The following PKN2 variants were observed in gnomAD, a reference collection of about 807,000 sequenced individuals.
The protein encoded by PKN2 is serine/threonine-protein kinase N2.
PKN2 carries 38 observed loss-of-function variants against 119.1 expected under a neutral mutation model. The observed-to-expected ratio is 0.32, with a 90% CI of 0.25 to 0.42. PKN2 has a LOEUF of 0.42. Ranked by LOEUF, PKN2 falls within the 10% of genes least tolerant of loss-of-function variation. The pLI is 1.00. For synonymous variants in PKN2, 390 were observed against 384.9 expected, an observed-to-expected ratio of 1.01 and a Z score of -0.15; for missense variants, 850 against 1,165.1, an observed-to-expected ratio of 0.73 and a Z score of 3.94.
intron 6 of PKN2, among the ~76,000 whole-genome samples, chr1:88,782,337 C>T (rs1305648335): frequency 1.3e-5 from 2 of 150,878 alleles, no homozygotes; most frequent in African/African-American, 4.9e-5. Context: ...TTCTTGGATA[C>T]TTCTTGAGTT....
At chr1:88,729,693 G>A (rs1464334847) in intron 1 of PKN2, among the ~76,000 whole-genome samples, 1 of 152,172 alleles carries the variant, frequency 6.6e-6, no homozygotes, top group Non-Finnish European at 1.5e-5. Context: ...TGTCACTTTA[G>A]TCAGAGTCCC....
intron 1 of PKN2, among the ~76,000 whole-genome samples, chr1:88,718,433 G>GAGGC (rs1360138481): frequency 6.6e-6 from 1 of 152,340 alleles, no homozygotes; most frequent in African/African-American, 2.4e-5. Flanking sequence ...GGGGTCTACA[G>GAGGC]AGGCAGGCAG....
intron 3 of PKN2, among the ~76,000 whole-genome samples, chr1:88,766,568 C>A (rs1669677503): frequency 6.6e-6 from 1 of 152,088 alleles, no homozygotes; most frequent in Admixed American, 6.5e-5. Flanking sequence ...TAGTTCATTA[C>A]TTTAGTGTGT....
chr1:88,693,415 T>C (rs1248502849), intron 1 of PKN2, among the ~76,000 whole-genome samples: 1 of 152,232 alleles, frequency 6.6e-6, no homozygotes. Flanking sequence ...TAAGTCAAAT[T>C]TGTCCATTGT....
rs377595315 is a variant in PKN2, at chr1:88,832,740, C to G, written c.2563-4C>G. 2 of 1,536,644 alleles carry G rather than the reference C, an allele frequency of 1.3e-6. No individual in the cohort carries two copies. Among genetic ancestry groups the G allele is most frequent in the East Asian group, 2.3e-5 (1 of 44,290 alleles). ...TTTAACTTACTCAAAGGTATTTCTTCTAGTCTCCCTTTCCTGGTGATGATG... is the reference window on the plus strand; with the variant it reads ...TTTAACTTACTCAAAGGTATTTCTTGTAGTCTCCCTTTCCTGGTGATGATG... On this transcript the variant is annotated splice_polypyrimidine_tract_variant and splice_region_variant and intron_variant, in intron 19 of 21. Transcript: ENST00000370521.
rs576495347 is a variant in PKN2 at position 88,813,428 on chromosome 1, GAC to G, written c.2103-125_2103-124del. On this transcript the variant is annotated intron_variant, in intron 15 of 21. Coordinates refer to ENST00000370521, the MANE Select transcript of PKN2 (RefSeq NM_006256.4). ...TTCATAGCACATATAGCAAAACTAA[GAC>G]ACATGTTAGGATTTTTAAGTTATAG... is the stretch of plus-strand genomic sequence containing the variant. The G allele has an allele frequency of 1.4e-3, 883 of 612,600 alleles. 1 individual carries two copies. The highest frequency in any genetic ancestry group is 2.4e-3 in the South Asian group (102 of 43,348). The allele number at this position is 612,600 out of a possible 1,614,324, so 37.9% of individuals were successfully genotyped here. A position where few individuals can be genotyped will look rare whatever the true frequency, so the allele number is the denominator to read the frequency against.
At chr1:88,740,224 A>G (rs1372686531) in intron 1 of PKN2, among the ~76,000 whole-genome samples, 2 of 152,104 alleles carry the variant, frequency 1.3e-5, no homozygotes, top group Non-Finnish European at 2.9e-5. Context: ...CCAAAGAACA[A>G]CTGTATAAAT....
intron 8 of PKN2, among the ~76,000 whole-genome samples, chr1:88,788,750 C>T (rs2100836519): frequency 6.6e-6 from 1 of 152,194 alleles, no homozygotes; most frequent in East Asian, 1.9e-4. Context: ...TGGCCTAATC[C>T]AGGATTCTTA....
chr1:88,745,868 C>T (rs1209087994), intron 2 of PKN2, among the ~76,000 whole-genome samples: 1 of 152,038 alleles, frequency 6.6e-6, no homozygotes, highest in Non-Finnish European at 1.5e-5. Flanking sequence ...ATCATAATGA[C>T]ATAAAAATAG....
rs189409132 is a variant in PKN2, at chr1:88,818,931, A to G, written c.2280-3010A>G. Among the ~76,000 whole-genome samples, 4 of 152,324 alleles carry G rather than the reference A, an allele frequency of 2.6e-5. No homozygotes were observed. In the East Asian group the frequency reaches 7.7e-4, roughly 29 times the overall value. ...CCTGACAAAAACAAGTAATGGGGAAAGAATTCCCTATTTAATAAATGGTGT... is the reference window on the plus strand; with the variant it reads ...CCTGACAAAAACAAGTAATGGGGAAGGAATTCCCTATTTAATAAATGGTGT... On this transcript the variant is annotated intron_variant, in intron 16 of 21. Coordinates refer to ENST00000370521, the MANE Select transcript of PKN2 (RefSeq NM_006256.4).
chr1:88,774,126 A>G (rs1669996996), intron 6 of PKN2, among the ~76,000 whole-genome samples: 1 of 152,192 alleles, frequency 6.6e-6, no homozygotes, highest in Non-Finnish European at 1.5e-5. Context: ...GAAAATAAAC[A>G]TAAAGGGGGA....
chr1:88,742,100 A>G (rs1570563322), intron 2 of PKN2, among the ~76,000 whole-genome samples: 1 of 152,132 alleles, frequency 6.6e-6, no homozygotes, highest in Non-Finnish European at 1.5e-5. Flanking sequence ...CTTACGTTTA[A>G]GTTTAAGCCA....
At chr1:88,693,325 A>ACAG (rs1353289193) in intron 1 of PKN2, among the ~76,000 whole-genome samples, 59 of 152,310 alleles carry the variant, frequency 3.9e-4, no homozygotes, top group African/African-American at 1.4e-3. Context: ...TGAACAGTTT[A>ACAG]CTAGTTCAGA....
At chr1:88,724,575 CTT>C (rs35072207) in intron 1 of PKN2, among the ~76,000 whole-genome samples, 13 of 140,988 alleles carry the variant, frequency 9.2e-5, no homozygotes, top group Admixed American at 1.4e-4. Flanking sequence ...AGGGATTACT[CTT>C]TTTTTTTTTT....
intron 6 of PKN2, among the ~76,000 whole-genome samples, 174 bp downstream of exon 6, chr1:88,772,053 A>G (rs549961171): frequency 2.7e-4 from 41 of 152,340 alleles, no homozygotes; most frequent in Admixed American, 1.4e-3. Flanking sequence ...AGCATTTGCT[A>G]TATTCACAAT....
intron 16 of PKN2, 54 bp downstream of exon 16, chr1:88,813,787 G>A: frequency 5.1e-6 from 7 of 1,368,078 alleles, no homozygotes; most frequent in Non-Finnish European, 6.9e-6. Flanking sequence ...TTTCATTCTG[G>A]GAAGGAAAAG....
chr1:88,746,296 A>G (rs1668766721), intron 2 of PKN2, among the ~76,000 whole-genome samples: 1 of 152,172 alleles, frequency 6.6e-6, no homozygotes. Flanking sequence ...AAACTTCTGC[A>G]CAGCAAAGGA....
chr1:88,708,383 G>T (rs998514507), intron 1 of PKN2, among the ~76,000 whole-genome samples: 2 of 151,922 alleles, frequency 1.3e-5, no homozygotes, highest in Non-Finnish European at 2.9e-5. Flanking sequence ...TCAAAGTCTT[G>T]TGACTATTTG....
At chr1:88,791,793 C>T (rs1670853075) in intron 8 of PKN2, among the ~76,000 whole-genome samples, 1 of 152,036 alleles carries the variant, frequency 6.6e-6, no homozygotes, top group African/African-American at 2.4e-5. Flanking sequence ...AAAGACCTAT[C>T]CAGATATTTA....
Sources: gnomAD v4.1 joint callset for allele counts (sites outside exome capture counted in the v4.1 genomes callset) on GRCh38, gnomAD v4.1.1 for gene constraint, MANE v1.5 for transcripts, NCBI Gene and HGNC (gene_info 2026-07-23, HGNC 2026-07-21) for gene names.